SART3: variants seen among roughly 807,000 people sequenced by gnomAD.
SART3 encodes spliceosome associated factor 3, U4/U6 recycling protein.
SART3 carries 44 observed loss-of-function variants against 122.3 expected under a neutral mutation model. That is an observed-to-expected ratio of 0.36 (90% confidence interval 0.28 to 0.46). SART3 has a LOEUF of 0.46. Ranked by LOEUF, SART3 falls within the 20% of genes least tolerant of loss-of-function variation. The probability of loss-of-function intolerance (pLI) is 1.00; values close to 1 mark genes in which losing one functional copy is unlikely to be tolerated. For missense variants in SART3, 1,101 were observed against 1,229.0 expected (o/e 0.90, Z 1.56); for synonymous variants, 442 against 454.0 (o/e 0.97, Z 0.34).
At chr12:108,558,401 C>T (rs2030323259) in intron 1 of SART3, among the ~76,000 whole-genome samples, 1 of 152,208 alleles carries the variant, frequency 6.6e-6, no homozygotes, top group South Asian at 2.1e-4. Flanking sequence ...GTCTTCAGTT[C>T]ATCACTTGCC....
rs775688311 is a variant in SART3 at position 108,543,051 on chromosome 12, A to G, written c.883T>C (p.Tyr295His). The change falls in exon 6 of 19, where the codon TAT becomes CAT. Residue 295 changes from tyrosine to histidine, a missense_variant. Tyr to His is a moderately conservative substitution (Grantham distance 83, BLOSUM62 2). Transcript: ENST00000546815. Reference protein sequence around the residue: ...YNKALQQLEKYKPYEEALLQA... With the variant: ...YNKALQQLEKHKPYEEALLQA... ...ACCAGTGCTTCTTCATAGGGTTTAT[A>G]TTTCTCCAGCTGCTGTAGTGCTTTG... The G allele has an allele frequency of 8.7e-6, 14 of 1,614,106 alleles. No homozygotes were observed. Among genetic ancestry groups the G allele is most frequent in the East Asian group, 4.5e-5 (2 of 44,902 alleles).
chr12:108,551,892 A>G (rs554931866), intron 1 of SART3, among the ~76,000 whole-genome samples: 36 of 152,330 alleles, frequency 2.4e-4, no homozygotes, highest in African/African-American at 8.4e-4. Flanking sequence ...CAAATTAAAA[A>G]AAGTGAATGA....
At chr12:108,555,340 T>G (rs945757130) in intron 1 of SART3, among the ~76,000 whole-genome samples, 6 of 152,232 alleles carry the variant, frequency 3.9e-5, no homozygotes, top group Admixed American at 2.6e-4. Flanking sequence ...GAGACCTCTA[T>G]GGCAAAATGT....
At chr12:108,541,053 A>G (rs749721388) in intron 6 of SART3, among the ~76,000 whole-genome samples, 4 of 152,232 alleles carry the variant, frequency 2.6e-5, no homozygotes, top group Admixed American at 6.5e-5. Flanking sequence ...ACCAAAAGGG[A>G]AAGAATTTTA....
chr12:108,540,911 G>A (rs1406334077), intron 6 of SART3, among the ~76,000 whole-genome samples: 7 of 152,176 alleles, frequency 4.6e-5, no homozygotes, highest in South Asian at 2.1e-4. Flanking sequence ...GAAACCAGAC[G>A]CAGTCTCATA....
intron 2 of SART3, among the ~76,000 whole-genome samples, chr12:108,548,550 G>T (rs1339566215): frequency 6.6e-6 from 1 of 152,232 alleles, no homozygotes. Flanking sequence ...GGGAAAAGGG[G>T]CAGAGTGGGA....
intron 14 of SART3, among the ~76,000 whole-genome samples, chr12:108,530,692 T>TA (rs888014416): frequency 7.9e-5 from 12 of 151,800 alleles, no homozygotes; most frequent in African/African-American, 1.5e-4. Context: ...CCATCTCTAC[T>TA]AAAAAAATAC....
chr12:108,525,791 T>C, intron 16 of SART3, 182 bp from the exon 17 acceptor site: 1 of 663,694 alleles, frequency 1.5e-6, no homozygotes, highest in African/African-American at 1.8e-5. Flanking sequence ...CAGGCCTCCA[T>C]GTCTTCCTCT....
chr12:108,550,738 C>T (rs947941157), intron 1 of SART3, among the ~76,000 whole-genome samples: 30 of 152,128 alleles, frequency 2.0e-4, no homozygotes, highest in African/African-American at 6.5e-4. Context: ...TGGCACATGC[C>T]TGTAGTCCAG....
intron 11 of SART3, among the ~76,000 whole-genome samples, chr12:108,535,994 AT>A (rs2136673627): frequency 1.3e-5 from 2 of 152,312 alleles, no homozygotes; most frequent in East Asian, 3.9e-4. Context: ...CATGATTAGA[AT>A]TGTTACAATC....
intron 8 of SART3, 126 bp from the exon 9 acceptor site, chr12:108,537,721 G>C (rs1405463183): frequency 1.1e-4 from 86 of 778,768 alleles, no homozygotes; most frequent in Non-Finnish European, 1.1e-4. Flanking sequence ...AGAATGAAAT[G>C]AGCTAGACAG....
intron 1 of SART3, 135 bp downstream of exon 1, chr12:108,560,708 G>A (rs1028116888): frequency 1.2e-5 from 8 of 684,432 alleles, no homozygotes; most frequent in African/African-American, 1.8e-5. Context: ...AATCCGACAG[G>A]AGCTACTGTC....
intron 12 of SART3, among the ~76,000 whole-genome samples, chr12:108,533,404 A>AAG (rs397715234): frequency 5.9e-5 from 9 of 151,588 alleles, no homozygotes; most frequent in African/African-American, 2.2e-4. Flanking sequence ...AAAAAAAAAA[A>AAG]GCATATTACT....
chr12:108,545,160 A>T lies in SART3; in HGVS notation c.708T>A (p.Ser236Arg), dbSNP rs1193358474. The T allele has an allele frequency of 4.3e-6, 7 of 1,613,832 alleles. No homozygotes were observed. The Admixed American group carries it at 1.0e-4, about 23-fold the overall frequency. ...ALWEAYREFE[S>R]AIVEAARLEK... is the part of the protein sequence containing the mutation. ...TCACCCGAGCAGCTTCCACAATCGC[A>T]CTTTCAAACTCTCGGTAAGCCTCCC... Residue 236 changes from serine (S) to arginine (R), a missense_variant, in exon 4 of 19, where the codon AGT (serine) becomes AGA (arginine). Transcript: ENST00000546815.
At chr12:108,541,170 G>A (rs1873140324) in intron 6 of SART3, among the ~76,000 whole-genome samples, 1 of 152,192 alleles carries the variant, frequency 6.6e-6, no homozygotes, top group African/African-American at 2.4e-5. Context: ...CCTTTGGGAG[G>A]CTGAGGCAGG....
chr12:108,548,091 C>T (rs1464121927), intron 2 of SART3, 100 bp from the exon 3 acceptor site: 2 of 994,948 alleles, frequency 2.0e-6, no homozygotes, highest in Admixed American at 2.0e-5. Flanking sequence ...ATCCATCTTA[C>T]ACAACCTGGC....
rs1593237184 is a variant in SART3, at chr12:108,533,545, A to G, written c.1557-1211T>C. 2.0e-5 allele frequency among the ~76,000 whole-genome samples: 3 copies of G among 152,352 alleles called. No homozygotes were observed. In the East Asian group the frequency reaches 5.8e-4, roughly 29 times the overall value. ...GGCAGACATTTTTGAAAATTAACAA[A>G]GTGAGGCTGCCACTCTGGGGAAAAC... On this transcript the variant is annotated intron_variant, in intron 12 of 18. Coordinates refer to ENST00000546815, the MANE Select transcript of SART3 (RefSeq NM_014706.4).
chr12:108,522,861 A>T lies in SART3; in HGVS notation c.*596T>A, dbSNP rs2136657263. ...GCACAAATAATTCCTATACAAAACA[A>T]ATGTTGCAAATATTCTGCTTTTAGG... is the stretch of plus-strand genomic sequence containing the variant. On this transcript the variant is annotated 3_prime_UTR_variant, in exon 19 of 19. Transcript: ENST00000546815. 1 of 158,080 alleles carries T rather than the reference A, an allele frequency of 6.3e-6. No individual in the cohort carries two copies. Among genetic ancestry groups the T allele is most frequent in the Middle Eastern group, 3.3e-3 (1 of 300 alleles). 9.8% of individuals were successfully genotyped at this position (158,080 alleles called of 1,614,324 possible). A position where few individuals can be genotyped will look rare whatever the true frequency, so the allele number is the denominator to read the frequency against.
At chr12:108,542,116 G>A (rs902651908) in intron 6 of SART3, among the ~76,000 whole-genome samples, 1 of 150,652 alleles carries the variant, frequency 6.6e-6, no homozygotes. Context: ...CAAAGTGCTG[G>A]GATTATAGGC....
Sources: allele counts gnomAD v4.1 joint callset (sites outside exome capture counted in the v4.1 genomes callset), GRCh38; gene constraint gnomAD v4.1.1; transcripts MANE v1.5; gene names NCBI Gene and HGNC (gene_info 2026-07-23, HGNC 2026-07-21).